KIAA1217: variants seen among roughly 807,000 people sequenced by gnomAD.
The protein encoded by KIAA1217 is sickle tail protein homolog.
In KIAA1217, 88 loss-of-function variants were observed where a neutral mutation model predicts 163.9. That is an observed-to-expected ratio of 0.54 (90% CI 0.45 to 0.64). The LOEUF (loss-of-function observed/expected upper bound fraction) is 0.64, where lower values mean the gene tolerates loss of function less well. KIAA1217 is among the 30% of genes least tolerant of loss of function. The pLI, the probability that KIAA1217 is intolerant of heterozygous loss-of-function variation, is 0.00. For missense variants in KIAA1217, 2,372 were observed against 2,475.0 expected (o/e 0.96, Z 0.88); for synonymous variants, 903 against 923.1 (o/e 0.98, Z 0.39).
intron 1 of KIAA1217, among the ~76,000 whole-genome samples, chr10:23,710,015 A>C (rs962184): frequency 0.14 from 21,152 of 152,212 alleles, 2,499 homozygotes; most frequent in African/African-American, 0.32. Flanking sequence ...TGAAGGTAGG[A>C]ACTGTGTGTT....
chr10:23,786,277 A>C (rs1198337831), intron 1 of KIAA1217, among the ~76,000 whole-genome samples: 1 of 151,972 alleles, frequency 6.6e-6, no homozygotes, highest in Non-Finnish European at 1.5e-5. Context: ...TAATATGGAT[A>C]AGGGGGAGAG....
At chr10:24,104,467 C>T (rs1251435651) in intron 2 of KIAA1217, among the ~76,000 whole-genome samples, 2 of 151,866 alleles carry the variant, frequency 1.3e-5, no homozygotes, top group East Asian at 3.9e-4. Context: ...GAAAAGGCAA[C>T]TAGGGAGAAA....
At chr10:23,713,561 A>G (rs1262746759) in intron 1 of KIAA1217, among the ~76,000 whole-genome samples, 1 of 152,140 alleles carries the variant, frequency 6.6e-6, no homozygotes, top group Non-Finnish European at 1.5e-5. Context: ...ATTTTCAGTT[A>G]ATATAGAAGT....
chr10:24,544,854 G>C (rs1007442605), intron 19 of KIAA1217, 127 bp from the exon 20 acceptor site: 4 of 1,003,316 alleles, frequency 4.0e-6, no homozygotes, highest in Non-Finnish European at 6.0e-6. Context: ...GTGTCTCCTA[G>C]ATCTGTCCTG....
At chr10:23,878,907 C>T (rs929004843) in intron 1 of KIAA1217, among the ~76,000 whole-genome samples, 9 of 151,916 alleles carry the variant, frequency 5.9e-5, no homozygotes, top group African/African-American at 1.9e-4. Flanking sequence ...GCTTGAGCAA[C>T]TGAAGGATGG....
chr10:23,817,982 T>TAC (rs1456846415), intron 1 of KIAA1217, among the ~76,000 whole-genome samples: 1 of 112,416 alleles, frequency 8.9e-6, no homozygotes, highest in Non-Finnish European at 1.8e-5. Context: ...TATATATATA[T>TAC]ATATATATAT....
At chr10:24,095,672 T>C (rs1334502278) in intron 2 of KIAA1217, among the ~76,000 whole-genome samples, 3 of 152,206 alleles carry the variant, frequency 2.0e-5, no homozygotes, top group Non-Finnish European at 2.9e-5. Context: ...ATCACTCTTA[T>C]GGTCTCAACT....
At chr10:23,969,327 G>C (rs143253317) in intron 1 of KIAA1217, among the ~76,000 whole-genome samples, 1 of 152,144 alleles carries the variant, frequency 6.6e-6, no homozygotes, top group Non-Finnish European at 1.5e-5. Context: ...GAGCCACCGC[G>C]CCCAGTCCGA....
intron 3 of KIAA1217, among the ~76,000 whole-genome samples, chr10:24,382,435 A>C (rs150428232): frequency 0.012 from 1,812 of 152,184 alleles, 50 homozygotes; most frequent in African/African-American, 0.042. Flanking sequence ...CCTAAAAAAA[A>C]ACCCTACAAC....
At chr10:24,288,478 G>C (rs889619550) in intron 2 of KIAA1217, among the ~76,000 whole-genome samples, 1 of 152,160 alleles carries the variant, frequency 6.6e-6, no homozygotes, top group South Asian at 2.1e-4. Flanking sequence ...TCCACACGCC[G>C]GCCAATAGAA....
intron 2 of KIAA1217, among the ~76,000 whole-genome samples, chr10:24,257,337 G>GT (rs2075269455): frequency 6.6e-6 from 1 of 152,192 alleles, no homozygotes; most frequent in African/African-American, 2.4e-5. Context: ...ATGGAACGGC[G>GT]TGGGGGGTGG....
intron 1 of KIAA1217, among the ~76,000 whole-genome samples, chr10:23,911,807 G>A (rs1303130591): frequency 2.0e-5 from 3 of 152,024 alleles, no homozygotes; most frequent in South Asian, 2.1e-4. Flanking sequence ...TGTATGGAGC[G>A]GTGCTTTGCA....
intron 2 of KIAA1217, among the ~76,000 whole-genome samples, chr10:24,249,345 AG>A (rs1206002021): frequency 6.6e-6 from 1 of 152,188 alleles, no homozygotes; most frequent in Admixed American, 6.5e-5. Context: ...CTTAGGGGAA[AG>A]GGGGTAGAAT....
At chr10:24,417,742 A>C (rs2058382198) in intron 3 of KIAA1217, among the ~76,000 whole-genome samples, 1 of 152,184 alleles carries the variant, frequency 6.6e-6, no homozygotes, top group Non-Finnish European at 1.5e-5. Flanking sequence ...TAAGCATCCC[A>C]CATTTACTGT....
chr10:23,832,178 C>G (rs1200413112), intron 1 of KIAA1217, among the ~76,000 whole-genome samples: 1 of 152,162 alleles, frequency 6.6e-6, no homozygotes, highest in Admixed American at 6.6e-5. Context: ...GACTAACAAG[C>G]AACAAAGCAG....
rs141514873 is a variant in KIAA1217, at chr10:24,152,963, G to C, written c.-170-66663G>C. 2.2e-3 allele frequency among the ~76,000 whole-genome samples: 340 copies of C among 152,322 alleles called. 4 individuals carry two copies. The highest frequency in any genetic ancestry group is 7.9e-3 in the African/African-American group (328 of 41,558). ...GAAGTTAAGAATAAATGTAATAACA[G>C]TCTTGTATGCAACAAAATCCTAGAA... On this transcript the variant is annotated intron_variant, in intron 2 of 18. Transcript: ENST00000376462.
intron 8 of KIAA1217, 48 bp from the exon 9 acceptor site, chr10:24,501,331 G>T: frequency 6.4e-7 from 1 of 1,572,876 alleles, no homozygotes; most frequent in South Asian, 1.1e-5. Flanking sequence ...GCATAGCTTA[G>T]ACTTTCCTTT....
intron 2 of KIAA1217, among the ~76,000 whole-genome samples, chr10:24,185,656 ATGG>A (rs1353863946): frequency 6.6e-6 from 1 of 152,100 alleles, no homozygotes; most frequent in Non-Finnish European, 1.5e-5. Flanking sequence ...TTAGCCAAGC[ATGG>A]TGGCTTACAC....
intron 1 of KIAA1217, among the ~76,000 whole-genome samples, chr10:23,928,571 C>T (rs1843125798): frequency 6.6e-6 from 1 of 152,142 alleles, no homozygotes; most frequent in African/African-American, 2.4e-5. Context: ...CTGAACAGGG[C>T]ATGACAGGAT....
Sources: allele counts gnomAD v4.1 joint callset (sites outside exome capture counted in the v4.1 genomes callset), GRCh38; gene constraint gnomAD v4.1.1; transcripts MANE v1.5; gene names NCBI Gene and HGNC (gene_info 2026-07-23, HGNC 2026-07-21).